Variants in CNTNAP4 observed in about 807,000 individuals in gnomAD.
CNTNAP4 encodes the protein contactin associated protein family member 4.
Under a neutral mutation model 148.4 loss-of-function variants are expected in CNTNAP4, and 98 were observed. The observed-to-expected ratio is 0.66, with a 90% CI of 0.56 to 0.78. CNTNAP4 has a LOEUF of 0.78. Ranked by LOEUF, CNTNAP4 falls within the 30% of genes least tolerant of loss-of-function variation. The probability of loss-of-function intolerance (pLI) is 0.00; values close to 1 mark genes in which losing one functional copy is unlikely to be tolerated. For synonymous variants in CNTNAP4, 730 were observed against 565.1 expected (o/e 1.29, Z -4.14); for missense variants, 1,935 against 1,565.6 (o/e 1.24, Z -3.98).
chr16:76,424,011 C>A (rs1249610255), intron 3 of CNTNAP4, among the ~76,000 whole-genome samples: 1 of 152,098 alleles, frequency 6.6e-6, no homozygotes, highest in African/African-American at 2.4e-5. Flanking sequence ...CCCAACCTCA[C>A]AATTTTCCTT....
intron 2 of CNTNAP4, among the ~76,000 whole-genome samples, chr16:76,324,752 A>G (rs1388692262): frequency 6.6e-6 from 1 of 152,116 alleles, no homozygotes; most frequent in Non-Finnish European, 1.5e-5. Flanking sequence ...TCCTGAATTT[A>G]TGCTTAAGTG....
intron 22 of CNTNAP4, 38 bp from the exon 23 acceptor site, chr16:76,553,798 C>G (rs562334829): frequency 2.5e-5 from 34 of 1,346,432 alleles, no homozygotes; most frequent in Admixed American, 5.4e-5. Flanking sequence ...TTTTACTTGC[C>G]TATATCACCT....
intron 3 of CNTNAP4, among the ~76,000 whole-genome samples, chr16:76,397,901 A>G (rs559423011): frequency 1.5e-4 from 20 of 131,640 alleles, no homozygotes; most frequent in African/African-American, 5.6e-4. Context: ...TTTAGCATAC[A>G]TATATTAGGG....
At chr16:76,329,357 A>G (rs559642390) in intron 2 of CNTNAP4, among the ~76,000 whole-genome samples, 5 of 152,324 alleles carry the variant, frequency 3.3e-5, no homozygotes, top group Admixed American at 2.6e-4. Context: ...GAGTATGATG[A>G]CATTGGAAAG....
At chr16:76,296,893 T>A (rs890198211) in intron 1 of CNTNAP4, among the ~76,000 whole-genome samples, 1 of 152,168 alleles carries the variant, frequency 6.6e-6, no homozygotes, top group African/African-American at 2.4e-5. Flanking sequence ...TTAAATCTTA[T>A]GAGATTTAAA....
At chr16:76,496,510 T>G (rs925289942) in intron 14 of CNTNAP4, among the ~76,000 whole-genome samples, 11 of 152,080 alleles carry the variant, frequency 7.2e-5, no homozygotes, top group African/African-American at 2.7e-4. Context: ...AACAACTACT[T>G]GAAATAAGCA....
At chr16:76,466,242 T>C (rs1365159671) in intron 9 of CNTNAP4, among the ~76,000 whole-genome samples, 2 of 152,176 alleles carry the variant, frequency 1.3e-5, no homozygotes, top group Admixed American at 6.5e-5. Context: ...TCCATCCATG[T>C]TGTTGCAAGA....
intron 3 of CNTNAP4, among the ~76,000 whole-genome samples, chr16:76,418,233 C>T (rs777222841): frequency 9.2e-5 from 14 of 151,388 alleles, no homozygotes; most frequent in East Asian, 1.9e-4. Flanking sequence ...ATTCCACTTA[C>T]GCATATGTTA....
intron 2 of CNTNAP4, among the ~76,000 whole-genome samples, chr16:76,344,514 C>G (rs117511425): frequency 2.0e-5 from 3 of 151,776 alleles, no homozygotes; most frequent in Non-Finnish European, 4.4e-5. Context: ...TCTTACAGTA[C>G]TACTACGGTG....
chr16:76,425,375 G>A (rs931439577), intron 3 of CNTNAP4, among the ~76,000 whole-genome samples: 12 of 152,068 alleles, frequency 7.9e-5, no homozygotes, highest in African/African-American at 2.9e-4. Flanking sequence ...TTTAAGCTCA[G>A]TCTTTCTCAA....
intron 17 of CNTNAP4, 89 bp downstream of exon 17, chr16:76,522,346 GATA>G: frequency 9.4e-7 from 1 of 1,059,428 alleles, no homozygotes; most frequent in South Asian, 1.5e-5. Context: ...TAGAAACAAG[GATA>G]ATAACAACAA....
intron 1 of CNTNAP4, among the ~76,000 whole-genome samples, chr16:76,295,270 G>A (rs1303848916): frequency 1.3e-5 from 2 of 152,188 alleles, no homozygotes; most frequent in African/African-American, 2.4e-5. Flanking sequence ...AAAGCATGGA[G>A]TCTTTGAATG....
intron 7 of CNTNAP4, 63 bp from the exon 8 acceptor site, chr16:76,452,445 A>C: frequency 6.4e-7 from 1 of 1,550,544 alleles, no homozygotes; most frequent in Non-Finnish European, 8.8e-7. Flanking sequence ...GCAGCCTTCA[A>C]ATTCTGTTAC....
chr16:76,519,176 C>T (rs2083364703), intron 15 of CNTNAP4, among the ~76,000 whole-genome samples: 1 of 152,140 alleles, frequency 6.6e-6, no homozygotes, highest in Non-Finnish European at 1.5e-5. Context: ...ATAAAACTTC[C>T]TTACCTCATT....
chr16:76,351,151 T>C (rs1362803312), intron 2 of CNTNAP4, among the ~76,000 whole-genome samples: 1 of 152,146 alleles, frequency 6.6e-6, no homozygotes, highest in Non-Finnish European at 1.5e-5. Context: ...TTAAAAGGTT[T>C]TCTTAATAAA....
chr16:76,366,739 A>C (rs1349772456), intron 3 of CNTNAP4, among the ~76,000 whole-genome samples: 1 of 152,192 alleles, frequency 6.6e-6, no homozygotes, highest in Non-Finnish European at 1.5e-5. Flanking sequence ...TTAGACTCCC[A>C]CCAACAGTGT....
At chr16:76,319,647 G>T (rs1962198839) in intron 2 of CNTNAP4, among the ~76,000 whole-genome samples, 1 of 152,112 alleles carries the variant, frequency 6.6e-6, no homozygotes, top group Non-Finnish European at 1.5e-5. Context: ...GTCCTTATAA[G>T]GAGTGTGAGA....
chr16:76,489,309 C>G (rs1424791445), intron 12 of CNTNAP4, among the ~76,000 whole-genome samples: 1 of 151,740 alleles, frequency 6.6e-6, no homozygotes, highest in Non-Finnish European at 1.5e-5. Context: ...AGCATTTTTC[C>G]TTTCTTGCAG....
Position 76,508,507 on chromosome 16 carries a change from AT to A in CNTNAP4, c.2365+9815del, listed in dbSNP as rs1246715879. Among the ~76,000 whole-genome samples, 3 of 88,730 alleles carry A rather than the reference AT, an allele frequency of 3.4e-5. 1 individual carries two copies. Among genetic ancestry groups the A allele is most frequent in the African/African-American group, 8.7e-5 (3 of 34,640 alleles). 58.2% of individuals were successfully genotyped at this position (88,730 alleles called of 152,430 possible). A position where few individuals can be genotyped will look rare whatever the true frequency, so the allele number is the denominator to read the frequency against. ...ATGATTGCCCCTTCTTGGAAAATAGATTATTTTATGGTCTATTTTGCTTTTT... is the reference window on the plus strand; with the variant it reads ...ATGATTGCCCCTTCTTGGAAAATAGATATTTTATGGTCTATTTTGCTTTTT... On this transcript the variant is annotated intron_variant, in intron 15 of 23. Coordinates refer to ENST00000611870, the MANE Select transcript of CNTNAP4 (RefSeq NM_033401.5).
Sources: gnomAD v4.1 joint callset for allele counts (sites outside exome capture counted in the v4.1 genomes callset) on GRCh38, gnomAD v4.1.1 for gene constraint, MANE v1.5 for transcripts, NCBI Gene and HGNC (gene_info 2026-07-23, HGNC 2026-07-21) for gene names.